The following PDS5A variants were observed in gnomAD, a reference collection of about 807,000 sequenced individuals.
PDS5A encodes PDS5 cohesin associated factor A.
A neutral mutation model predicts 167.1 loss-of-function variants in PDS5A; 42 were observed. The ratio of observed to expected loss-of-function variants is 0.25; its 90% confidence interval spans 0.20 to 0.33. The LOEUF (loss-of-function observed/expected upper bound fraction) is 0.33. Ranked by LOEUF, PDS5A falls within the 10% of genes least tolerant of loss-of-function variation. The probability of loss-of-function intolerance (pLI) is 1.00; values close to 1 mark genes in which losing one functional copy is unlikely to be tolerated. For missense variants in PDS5A, 1,033 were observed against 1,605.9 expected (o/e 0.64, Z 6.10); for synonymous variants, 553 against 554.6 (o/e 1.00, Z 0.04).
intron 21 of PDS5A, among the ~76,000 whole-genome samples, chr4:39,871,809 T>G (rs1720059375): frequency 6.6e-6 from 1 of 152,090 alleles, no homozygotes. Context: ...GTTCAAGCGA[T>G]TCTCCTGCCT....
chr4:39,825,666 T>G (rs1034489735), intron 32 of PDS5A, among the ~76,000 whole-genome samples, 178 bp from the exon 33 acceptor site: 1 of 151,700 alleles, frequency 6.6e-6, no homozygotes, highest in African/African-American at 2.4e-5. Flanking sequence ...CATGGCTCAC[T>G]CAGCCCCAAC....
chr4:39,848,197 G>C (rs879829423), intron 28 of PDS5A: 4 of 152,640 alleles, frequency 2.6e-5, no homozygotes, highest in Non-Finnish European at 4.4e-5. Context: ...TCATTACTGA[G>C]GCATATATAT....
intron 6 of PDS5A, 49 bp from the exon 7 acceptor site, chr4:39,920,448 G>A (rs1724851813): frequency 1.1e-6 from 1 of 876,100 alleles, no homozygotes; most frequent in African/African-American, 1.7e-5. Context: ...GTTAATTTAT[G>A]AGATAGTAAC....
chr4:39,923,636 A>AAAACACACACACACAC (rs1553902727), intron 5 of PDS5A, among the ~76,000 whole-genome samples: 9 of 89,804 alleles, frequency 1.0e-4, no homozygotes, highest in Admixed American at 9.3e-4. Context: ...ACCCTGTCTC[A>AAAACACACACACACAC]AAACACACAC....
At chr4:39,952,133 C>T (rs1728461912) in intron 2 of PDS5A, among the ~76,000 whole-genome samples, 1 of 151,914 alleles carries the variant, frequency 6.6e-6, no homozygotes, top group Non-Finnish European at 1.5e-5. Flanking sequence ...AGTTCGAGAC[C>T]AGCATGGCCA....
In PDS5A at chr4:39,920,325, A is replaced by G; in HGVS notation, c.729T>C (p.Ile243=). ...CATAGAAAGAAATACATACATTAGC[A>G]ATGCATGCCTCAATAGTCTGGACTG... ...KRTVQTIEAC[I]ANFFNQVLVL... Residue 243 remains isoleucine (I), a synonymous_variant, in exon 7 of 33, where the codon ATT becomes ATC. Coordinates refer to ENST00000303538, the MANE Select transcript of PDS5A (RefSeq NM_001100399.2). 1 of 1,403,958 alleles carries G rather than the reference A, an allele frequency of 7.1e-7. No homozygotes were observed. Among genetic ancestry groups the G allele is most frequent in the Non-Finnish European group, 1.0e-6 (1 of 1,000,114 alleles). 87.0% of individuals were successfully genotyped at this position (1,403,958 alleles called of 1,614,324 possible).
intron 28 of PDS5A, chr4:39,847,401 G>A (rs1183610357): frequency 6.6e-6 from 1 of 152,180 alleles, no homozygotes; most frequent in East Asian, 1.9e-4. Context: ...GAGCCCAGGA[G>A]TTTGAGGCCT....
intron 23 of PDS5A, among the ~76,000 whole-genome samples, chr4:39,863,810 A>G (rs1719200580): frequency 6.6e-6 from 1 of 152,208 alleles, no homozygotes; most frequent in Non-Finnish European, 1.5e-5. Flanking sequence ...CCTCATTTTA[A>G]GAGAAATACA....
chr4:39,845,772 A>G, intron 29 of PDS5A, 46 bp downstream of exon 29: 1 of 1,365,244 alleles, frequency 7.3e-7, no homozygotes, highest in South Asian at 1.7e-5. Context: ...AGCAGAAGCA[A>G]GATACACATG....
At chr4:39,867,083 A>T in intron 22 of PDS5A, 86 bp from the exon 23 acceptor site, 6 of 1,011,168 alleles carry the variant, frequency 5.9e-6, no homozygotes, top group Non-Finnish European at 8.6e-6. Flanking sequence ...TAATGAGATT[A>T]CTCATCTCCA....
At chr4:39,906,781 T>C (rs998955469) in intron 11 of PDS5A, among the ~76,000 whole-genome samples, 1 of 151,914 alleles carries the variant, frequency 6.6e-6, no homozygotes, top group African/African-American at 2.4e-5. Flanking sequence ...GAGTATATTA[T>C]CTTTGGTGTA....
intron 2 of PDS5A, among the ~76,000 whole-genome samples, chr4:39,971,647 A>G (rs1346811824): frequency 6.6e-6 from 1 of 151,766 alleles, no homozygotes; most frequent in Non-Finnish European, 1.5e-5. Flanking sequence ...TTTAGTAGAG[A>G]TGGGGTTTCA....
chr4:39,969,673 A>ATT (rs1730318804), intron 2 of PDS5A, among the ~76,000 whole-genome samples: 1 of 151,266 alleles, frequency 6.6e-6, no homozygotes, highest in East Asian at 1.9e-4. Context: ...TCTCAAAAAA[A>ATT]AGGAAAGTCC....
chr4:39,939,090 A>G (rs1033190636), intron 2 of PDS5A, among the ~76,000 whole-genome samples: 2 of 151,870 alleles, frequency 1.3e-5, no homozygotes, highest in Admixed American at 6.6e-5. Flanking sequence ...AAAGCCAGTC[A>G]TGTTGGCCAA....
intron 2 of PDS5A, among the ~76,000 whole-genome samples, chr4:39,964,121 A>G (rs1323557232): frequency 6.6e-6 from 1 of 152,218 alleles, no homozygotes; most frequent in Non-Finnish European, 1.5e-5. Context: ...CATGGGACAA[A>G]AAGAACCACA....
intron 2 of PDS5A, among the ~76,000 whole-genome samples, chr4:39,945,656 C>A (rs998922936): frequency 1.1e-4 from 16 of 151,896 alleles, no homozygotes; most frequent in African/African-American, 3.6e-4. Context: ...CAGGCAAACT[C>A]AAAAAGCCTA....
intron 26 of PDS5A, among the ~76,000 whole-genome samples, chr4:39,858,460 G>A (rs985368461): frequency 4.1e-4 from 63 of 152,244 alleles, no homozygotes; most frequent in African/African-American, 1.2e-3. Flanking sequence ...AATCTCTGGG[G>A]AAAGAACAGT....
intron 2 of PDS5A, among the ~76,000 whole-genome samples, chr4:39,935,086 C>G (rs1377388047): frequency 6.6e-6 from 1 of 152,160 alleles, no homozygotes; most frequent in Non-Finnish European, 1.5e-5. Flanking sequence ...GAAATCATTA[C>G]CTAACCAAAA....
chr4:39,936,370 A>G (rs1396141795), intron 2 of PDS5A, among the ~76,000 whole-genome samples: 1 of 152,154 alleles, frequency 6.6e-6, no homozygotes, highest in Non-Finnish European at 1.5e-5. Context: ...CAGGTTTCCT[A>G]TAGCCTCCTC....
Sources: allele counts gnomAD v4.1 joint callset (sites outside exome capture counted in the v4.1 genomes callset), GRCh38; gene constraint gnomAD v4.1.1; transcripts MANE v1.5; gene names NCBI Gene and HGNC (gene_info 2026-07-23, HGNC 2026-07-21).